The following PRSS3 variants were observed in gnomAD, a reference collection of about 807,000 sequenced individuals.
The protein encoded by PRSS3 is trypsin-3.
A neutral mutation model predicts 20.8 loss-of-function variants in PRSS3; 14 were observed. The observed-to-expected ratio is 0.67, with a 90% CI of 0.44 to 1.05. PRSS3 has a LOEUF of 1.05. Among genes scored for constraint, PRSS3 ranks in the 50% least tolerant of loss-of-function variants. The probability of loss-of-function intolerance (pLI) is 0.00; values close to 1 mark genes in which losing one functional copy is unlikely to be tolerated. For missense variants in PRSS3, 237 were observed against 306.4 expected (o/e 0.77, Z 1.69); for synonymous variants, 91 against 117.6 (o/e 0.77, Z 1.46).
chr9:33,783,697 G>C (rs2119008369), intron 1 of PRSS3, among the ~76,000 whole-genome samples: 1 of 152,222 alleles, frequency 6.6e-6, no homozygotes, highest in Admixed American at 6.5e-5. Context: ...GTACAGGAAG[G>C]TTTGGGCTGT....
At chr9:33,779,607 G>A (rs749072111) in intron 1 of PRSS3, among the ~76,000 whole-genome samples, 33 of 152,166 alleles carry the variant, frequency 2.2e-4, no homozygotes, top group Non-Finnish European at 4.0e-4. Context: ...GGTGGCTCAC[G>A]CCTGTAATCC....
At position 33,750,844 on chromosome 9, in the gene PRSS3, C is replaced by T; in HGVS notation, c.-53+117C>T. 2 of 1,367,436 alleles carry T rather than the reference C, an allele frequency of 1.5e-6. No individual in the cohort carries two copies. Among genetic ancestry groups the T allele is most frequent in the Non-Finnish European group, 1.9e-6 (2 of 1,065,594 alleles). 84.7% of individuals were successfully genotyped at this position (1,367,436 alleles called of 1,614,324 possible). On this transcript the variant is annotated intron_variant, in intron 1 of 5. Coordinates refer to the PRSS3 transcript ENST00000342836. The surrounding 1 kb of genome is among the most constrained non-coding windows in gnomAD (Gnocchi z 4.8). ...GGGGTTCCGACTCGCATGGGACCTG[C>T]GGGGGAGGGTACGCGGACAGGGAGG...
intron 1 of PRSS3, among the ~76,000 whole-genome samples, chr9:33,764,905 G>C (rs1690462167): frequency 2.0e-5 from 3 of 152,186 alleles, no homozygotes; most frequent in Non-Finnish European, 4.4e-5. Flanking sequence ...CACATGAAAA[G>C]ATGCTCAACA....
rs770774966 is a variant in PRSS3 at position 33,799,143 on chromosome 9, T to C, written c.707T>C (p.Val236Ala). The C allele has an allele frequency of 6.2e-7, 1 of 1,614,190 alleles. No homozygotes were observed. Residue 236 changes from valine (V) to alanine (A), a missense_variant, in exon 5 of 5, where the codon GTG (valine) becomes GCG (alanine). Val to Ala is a moderately conservative substitution (Grantham distance 64). Transcript: ENST00000379405. ...PGVYTKVYNY[V>A]DWIKDTIAAN... ...GTCTACACCAAGGTCTACAACTATG[T>C]GGACTGGATTAAGGACACCATCGCT...
intron 1 of PRSS3, among the ~76,000 whole-genome samples, chr9:33,766,263 C>CAAAAAAAAAA (rs67834191): frequency 1.4e-5 from 1 of 72,798 alleles, no homozygotes; most frequent in African/African-American, 6.7e-5. Flanking sequence ...GATTCCGTCT[C>CAAAAAAAAAA]AAAAAAAAAA....
chr9:33,771,628 T>G (rs1301183717), intron 1 of PRSS3, among the ~76,000 whole-genome samples: 21 of 128,648 alleles, frequency 1.6e-4, no homozygotes, highest in African/African-American at 5.9e-4. Flanking sequence ...CACTGGGTTT[T>G]GTTTTTTTGT....
intron 1 of PRSS3, among the ~76,000 whole-genome samples, chr9:33,770,836 T>C (rs1039759005): frequency 1.3e-5 from 2 of 152,144 alleles, no homozygotes; most frequent in African/African-American, 4.8e-5. Flanking sequence ...ATATGTGGTG[T>C]ACCCACACAA....
intron 1 of PRSS3, among the ~76,000 whole-genome samples, chr9:33,770,170 G>A (rs549814762): frequency 3.3e-5 from 5 of 152,104 alleles, no homozygotes; most frequent in Non-Finnish European, 5.9e-5. Flanking sequence ...AAAATTGAAC[G>A]GAATTTGCCC....
intron 1 of PRSS3, among the ~76,000 whole-genome samples, chr9:33,751,859 A>C (rs1438252623): frequency 6.6e-6 from 1 of 152,220 alleles, no homozygotes; most frequent in Non-Finnish European, 1.5e-5. Flanking sequence ...CAGTGGCGTC[A>C]GACTTAGCTC....
chr9:33,789,646 A>G (rs935123094), intron 1 of PRSS3, among the ~76,000 whole-genome samples: 3 of 152,270 alleles, frequency 2.0e-5, no homozygotes, highest in Admixed American at 2.0e-4. Context: ...AGGAATGCAC[A>G]TGTATACCCA....
rs753580774 is a variant in PRSS3, at chr9:33,798,055, G to A, written c.427G>A (p.Gly143Ser). The change falls in exon 3 of 5, where the codon GGC becomes AGC. Residue 143 changes from glycine (G) to serine (S), a missense_variant. Transcript: ENST00000379405. ...PAAGTECLIS[G>S]WGNTLSFGAD... ...TGCTGGCACTGAGTGCCTCATCTCC[G>A]GCTGGGGCAACACTCTGAGCTTTGG... 4.0e-5 allele frequency: 64 copies of A among 1,614,128 alleles called. No individual in the cohort carries two copies. In the Admixed American group the frequency reaches 6.7e-4, roughly 17 times the overall value.
rs1453521308 is a variant in PRSS3 at position 33,797,972 on chromosome 9, C to A, written c.344C>A (p.Ser115Ter). 1 of 1,614,270 alleles carries A rather than the reference C, an allele frequency of 6.2e-7. No homozygotes were observed. The highest frequency in any genetic ancestry group is 8.5e-7 in the Non-Finnish European group (1 of 1,180,040). The change falls in exon 3 of 5, where the codon TCA becomes TAA. Residue 115 changes from serine to a stop codon, truncating the protein, a stop_gained. Coordinates refer to ENST00000379405, the MANE Select transcript of PRSS3 (RefSeq NM_002771.4). LOFTEE classifies it high-confidence loss of function. ...DNDIMLIKLSSPAVINARVST... is the reference protein window; with the variant it reads ...DNDIMLIKLS Reference sequence around the variant, plus strand: ...GACATCATGCTGATCAAACTCTCCTCACCTGCCGTCATCAATGCCCGCGTG... The same window carrying A: ...GACATCATGCTGATCAAACTCTCCTAACCTGCCGTCATCAATGCCCGCGTG...
intron 1 of PRSS3, among the ~76,000 whole-genome samples, chr9:33,785,654 A>G (rs1233213747): frequency 1.5e-4 from 23 of 152,218 alleles, no homozygotes. Flanking sequence ...TAATTTGCAA[A>G]TTGACAAATA....
chr9:33,768,089 G>C (rs1329730214), intron 1 of PRSS3, among the ~76,000 whole-genome samples: 2 of 152,346 alleles, frequency 1.3e-5, no homozygotes, highest in African/African-American at 4.8e-5. Flanking sequence ...CTGGTGAGCA[G>C]ACGTGGCTTT....
intron 1 of PRSS3, among the ~76,000 whole-genome samples, chr9:33,751,525 C>G (rs917104187): frequency 2.0e-5 from 3 of 152,102 alleles, no homozygotes; most frequent in African/African-American, 4.8e-5. Context: ...AAATAGAAAC[C>G]CTTTCAAAAT....
chr9:33,786,864 A>G, intron 1 of PRSS3: 1 of 674,470 alleles, frequency 1.5e-6, no homozygotes, highest in Non-Finnish European at 2.7e-6. Context: ...TCTAAGCAAG[A>G]ACCTCAGCTC....
upstream of PRSS3, chr9:33,795,510 C>T: frequency 6.3e-7 from 1 of 1,595,052 alleles, no homozygotes; most frequent in South Asian, 1.1e-5. Context: ...GACACCTCCT[C>T]TCCTGATTCT....
At chr9:33,757,862 C>A (rs1823022855) in intron 1 of PRSS3, among the ~76,000 whole-genome samples, 1 of 152,138 alleles carries the variant, frequency 6.6e-6, no homozygotes, top group Admixed American at 6.5e-5. Context: ...GATGATGCTA[C>A]CTCATTCTCA....
At chr9:33,763,743 GAGTA>G (rs997182865) in intron 1 of PRSS3, among the ~76,000 whole-genome samples, 3 of 150,552 alleles carry the variant, frequency 2.0e-5, no homozygotes, top group Middle Eastern at 7.0e-3. Flanking sequence ...AGGGTAAAGA[GAGTA>G]AGTGACATTA....
Sources: allele counts gnomAD v4.1 joint callset (sites outside exome capture counted in the v4.1 genomes callset), GRCh38; gene constraint gnomAD v4.1.1; non-coding constraint Gnocchi (gnomAD v3.1); transcripts MANE v1.5; gene names NCBI Gene and HGNC (gene_info 2026-07-23, HGNC 2026-07-21).